The following CMSS1 variants were observed in gnomAD, a reference collection of about 807,000 sequenced individuals.
The protein encoded by CMSS1 is protein CMSS1.
Under a neutral mutation model 43.5 loss-of-function variants are expected in CMSS1, and 33 were observed. That is an observed-to-expected ratio of 0.76 (90% CI 0.57 to 1.01). CMSS1 has a LOEUF of 1.01. CMSS1 is among the 50% of genes least tolerant of loss of function. The probability of loss-of-function intolerance (pLI) is 0.00; values close to 1 mark genes in which losing one functional copy is unlikely to be tolerated. For missense variants in CMSS1, 313 were observed against 326.4 expected, an observed-to-expected ratio of 0.96 and a Z score of 0.32; for synonymous variants, 115 against 117.2, an observed-to-expected ratio of 0.98 and a Z score of 0.12.
intron 1 of CMSS1, among the ~76,000 whole-genome samples, chr3:99,956,176 C>T (rs1471843220): frequency 6.6e-6 from 1 of 152,156 alleles, no homozygotes; most frequent in Non-Finnish European, 1.5e-5. Context: ...CATGCCCTTT[C>T]TTCCACTTAT....
At chr3:99,875,987 G>A (rs1576540164) in intron 1 of CMSS1, 1 of 898,098 alleles carries the variant, frequency 1.1e-6, no homozygotes, top group Non-Finnish European at 1.3e-6. Flanking sequence ...TGCTGAGACA[G>A]CTTTAACAGC....
At chr3:100,177,903 G>C (rs576139566) in intron 9 of CMSS1, among the ~76,000 whole-genome samples, 2 of 152,168 alleles carry the variant, frequency 1.3e-5, no homozygotes, top group Non-Finnish European at 2.9e-5. Context: ...TGGATCACTT[G>C]AGGCCAAGAG....
At chr3:100,071,502 AT>A (rs938404001) in intron 1 of CMSS1, among the ~76,000 whole-genome samples, 1 of 152,104 alleles carries the variant, frequency 6.6e-6, no homozygotes, top group African/African-American at 2.4e-5. Context: ...ATTCACTAAA[AT>A]TTACATGGGA....
chr3:99,959,357 C>T (rs1232478741), intron 1 of CMSS1, among the ~76,000 whole-genome samples: 2 of 152,176 alleles, frequency 1.3e-5, no homozygotes, highest in East Asian at 3.8e-4. Flanking sequence ...GCCATGCTGG[C>T]CAGGCTGGTC....
At chr3:100,138,813 A>G (rs2066777742) in intron 1 of CMSS1, among the ~76,000 whole-genome samples, 1 of 152,202 alleles carries the variant, frequency 6.6e-6, no homozygotes, top group South Asian at 2.1e-4. Flanking sequence ...AACCAGAAAT[A>G]CCATTTGACC....
rs1312776982 is a variant in CMSS1, at chr3:100,020,649, G to A, written c.65-126324G>A. 2.0e-5 allele frequency among the ~76,000 whole-genome samples: 3 copies of A among 150,312 alleles called. No homozygotes were observed. The South Asian group carries it at 6.3e-4, about 32-fold the overall frequency. ...ATAACATTTTTAAAATAGTCTTAAAGTTCTTAAAAAGTGTTTATTTTTAGT... is the reference window on the plus strand; with the variant it reads ...ATAACATTTTTAAAATAGTCTTAAAATTCTTAAAAAGTGTTTATTTTTAGT... On this transcript the variant is annotated intron_variant, in intron 1 of 9. Coordinates refer to ENST00000421999, the MANE Select transcript of CMSS1 (RefSeq NM_032359.4).
intron 1 of CMSS1, among the ~76,000 whole-genome samples, chr3:99,905,856 C>T (rs984440166): frequency 6.6e-6 from 1 of 152,212 alleles, no homozygotes; most frequent in Admixed American, 6.5e-5. Context: ...TGTATGCAAA[C>T]TCTAGTTGCT....
intron 1 of CMSS1, among the ~76,000 whole-genome samples, chr3:100,103,490 G>A (rs437704): frequency 6.6e-6 from 1 of 152,212 alleles, no homozygotes. Flanking sequence ...TGAAGATCTA[G>A]AGTCTTTAGG....
chr3:100,149,825 G>A (rs1175521692), intron 2 of CMSS1, among the ~76,000 whole-genome samples: 2 of 152,132 alleles, frequency 1.3e-5, no homozygotes, highest in African/African-American at 4.8e-5. Context: ...CGGTATCCCA[G>A]TTTTCTCATG....
At chr3:100,066,262 A>G (rs1303479181) in intron 1 of CMSS1, among the ~76,000 whole-genome samples, 3 of 152,158 alleles carry the variant, frequency 2.0e-5, no homozygotes, top group East Asian at 3.8e-4. Context: ...TTTTCTTTTT[A>G]TTATTTTAAT....
intron 8 of CMSS1, among the ~76,000 whole-genome samples, chr3:100,173,442 C>A (rs1457566326): frequency 6.6e-6 from 1 of 152,190 alleles, no homozygotes; most frequent in Non-Finnish European, 1.5e-5. Context: ...TCCCCAAGGT[C>A]TGTCAGTCTA....
chr3:99,914,856 G>T (rs959642926), intron 1 of CMSS1, among the ~76,000 whole-genome samples: 1 of 152,236 alleles, frequency 6.6e-6, no homozygotes, highest in Non-Finnish European at 1.5e-5. Flanking sequence ...TGATGCACCT[G>T]TGTGATACAG....
At chr3:100,107,426 T>C (rs957319345) in intron 1 of CMSS1, among the ~76,000 whole-genome samples, 4 of 152,176 alleles carry the variant, frequency 2.6e-5, no homozygotes, top group Admixed American at 2.6e-4. Context: ...CTGAACACTT[T>C]GTTTACTTTG....
intron 1 of CMSS1, among the ~76,000 whole-genome samples, chr3:99,922,020 A>G (rs531425465): frequency 6.6e-6 from 1 of 152,320 alleles, no homozygotes; most frequent in East Asian, 1.9e-4. Context: ...TACACAGTGA[A>G]TATCAGAACT....
chr3:100,172,491 A>T, intron 8 of CMSS1, 88 bp downstream of exon 8: 1 of 978,176 alleles, frequency 1.0e-6, no homozygotes, highest in Non-Finnish European at 1.6e-6. Flanking sequence ...TTCAGGATAT[A>T]CAAAAACCAG....
At chr3:99,966,221 G>A (rs1044221730) in intron 1 of CMSS1, among the ~76,000 whole-genome samples, 1 of 152,160 alleles carries the variant, frequency 6.6e-6, no homozygotes, top group Non-Finnish European at 1.5e-5. Flanking sequence ...AGGAACCTAA[G>A]CAGGCTGCAG....
At chr3:99,991,121 C>CA (rs1423869227) in intron 1 of CMSS1, among the ~76,000 whole-genome samples, 1 of 152,194 alleles carries the variant, frequency 6.6e-6, no homozygotes, top group African/African-American at 2.4e-5. Context: ...CATCTCCCCC[C>CA]ATAATGGAAT....
intron 1 of CMSS1, among the ~76,000 whole-genome samples, chr3:100,010,778 A>ATTTTTTTTTTTTTTTTTTTT (rs11371196): frequency 2.1e-5 from 2 of 93,680 alleles, no homozygotes; most frequent in African/African-American, 4.4e-5. Flanking sequence ...CCACGCCCGG[A>ATTTTTTTTTTTTTTTTTTTT]TTTTTTTTTT....
In CMSS1 at chr3:99,857,188, A is replaced by T. The variant is rs930394122; in HGVS notation, c.64+39145A>T. Among the ~76,000 whole-genome samples, 8 of 147,658 alleles carry T rather than the reference A, an allele frequency of 5.4e-5. No homozygotes were observed. The East Asian group carries it at 9.7e-4, about 18-fold the overall frequency. The stretch of plus-strand genomic sequence containing the variant: ...GTAGTTTTATTCACTATTTAAGAGG[A>T]TGCTCTAATATTTACCATGTACATG... On this transcript the variant is annotated intron_variant, in intron 1 of 9. Coordinates refer to ENST00000421999, the MANE Select transcript of CMSS1 (RefSeq NM_032359.4).
Sources: gnomAD v4.1 joint callset for allele counts (sites outside exome capture counted in the v4.1 genomes callset) on GRCh38, gnomAD v4.1.1 for gene constraint, MANE v1.5 for transcripts, NCBI Gene and HGNC (gene_info 2026-07-23, HGNC 2026-07-21) for gene names.